Variants in BID observed in about 807,000 individuals in gnomAD.
BID encodes BH3-interacting domain death agonist.
A neutral mutation model predicts 17.4 loss-of-function variants in BID; 19 were observed. The ratio of observed to expected loss-of-function variants is 1.09; its 90% CI spans 0.76 to 1.60. The LOEUF (loss-of-function observed/expected upper bound fraction) is 1.60. Ranked by LOEUF, BID falls within the 40% of genes most tolerant of loss-of-function variation. The probability of loss-of-function intolerance (pLI) is 0.00; values close to 1 mark genes in which losing one functional copy is unlikely to be tolerated. For missense variants in BID, 226 were observed against 256.0 expected (o/e 0.88, Z 0.80); for synonymous variants, 108 against 102.8 (o/e 1.05, Z -0.31).
chr22:17,769,797 C>T lies in BID; in HGVS notation c.-59+4584G>A, dbSNP rs2061706141. 6.6e-6 allele frequency among the ~76,000 whole-genome samples: 1 copy of T among 152,184 alleles called. No homozygotes were observed. Among genetic ancestry groups the T allele is most frequent in the Non-Finnish European group, 1.5e-5 (1 of 68,036 alleles). On this transcript the variant is annotated intron_variant, in intron 1 of 5. Coordinates refer to ENST00000622694, the MANE Select transcript of BID (RefSeq NM_001196.4). This position sits in a 1 kb window ranked among gnomAD's most constrained non-coding sequence, Gnocchi z 4.8. The stretch of plus-strand genomic sequence containing the variant: ...AGAGTTCCCAGCTGAACCCAGGAGG[C>T]ACCCACCTTCCTGTCTCTAGGCAGA...
intron 4 of BID, among the ~76,000 whole-genome samples, chr22:17,738,590 G>A (rs528828025): frequency 6.6e-6 from 1 of 152,278 alleles, no homozygotes; most frequent in South Asian, 2.1e-4. Context: ...GAATGGACAG[G>A]AGGAAGGGGG....
intron 1 of BID, among the ~76,000 whole-genome samples, chr22:17,771,037 C>G (rs1296152916): frequency 6.6e-6 from 1 of 152,250 alleles, no homozygotes; most frequent in African/African-American, 2.4e-5. Flanking sequence ...TTTCCAGTTA[C>G]TCTACGTACC....
chr22:17,742,788 A>T (rs1246893525), intron 3 of BID, among the ~76,000 whole-genome samples: 1 of 152,196 alleles, frequency 6.6e-6, no homozygotes, highest in Admixed American at 6.5e-5. Context: ...TGTAATTCCA[A>T]TGTGCACACT....
chr22:17,756,440 TTTC>T (rs1569047675), intron 1 of BID, among the ~76,000 whole-genome samples: 15 of 66,880 alleles, frequency 2.2e-4, no homozygotes, highest in African/African-American at 8.3e-4. Context: ...TTCTTCTTTC[TTTC>T]TTTCTTTCTT....
At chr22:17,755,859 G>GT (rs1204856851) in intron 1 of BID, among the ~76,000 whole-genome samples, 1 of 151,658 alleles carries the variant, frequency 6.6e-6, no homozygotes, top group Non-Finnish European at 1.5e-5. Context: ...TTCCTTTTTG[G>GT]TTTTTTGTTT....
At chr22:17,745,811 C>T (rs1457062192) in intron 2 of BID, among the ~76,000 whole-genome samples, 2 of 151,842 alleles carry the variant, frequency 1.3e-5, no homozygotes, top group Non-Finnish European at 1.5e-5. Context: ...ACTAAAAATA[C>T]AAAAATTAGC....
intron 1 of BID, among the ~76,000 whole-genome samples, chr22:17,758,030 C>T (rs958364164): frequency 7.9e-5 from 12 of 152,218 alleles, no homozygotes; most frequent in Non-Finnish European, 1.5e-4. Context: ...CATGGCTTCC[C>T]GGATGGTTGC....
At chr22:17,744,041 G>C in intron 2 of BID, 28 bp from the exon 3 acceptor site, 1 of 1,593,970 alleles carries the variant, frequency 6.3e-7, no homozygotes. Flanking sequence ...TCAGGAAGCC[G>C]GGACTTCAGC....
chr22:17,754,896 C>T (rs958488021), intron 1 of BID, among the ~76,000 whole-genome samples: 1 of 150,828 alleles, frequency 6.6e-6, no homozygotes, highest in Non-Finnish European at 1.5e-5. Context: ...TCCTGAGTAA[C>T]TGGGACTACA....
intron 2 of BID, among the ~76,000 whole-genome samples, chr22:17,745,249 C>T (rs1445539926): frequency 6.6e-6 from 1 of 152,054 alleles, no homozygotes; most frequent in Non-Finnish European, 1.5e-5. Flanking sequence ...CGAGGTTTCA[C>T]CATGTTGGTC....
At chr22:17,758,600 C>T (rs1325956368) in intron 1 of BID, among the ~76,000 whole-genome samples, 1 of 152,172 alleles carries the variant, frequency 6.6e-6, no homozygotes, top group Non-Finnish European at 1.5e-5. Context: ...ACACACGCTA[C>T]AACACAGATG....
rs541458998 is a variant in BID, at chr22:17,767,022, G to A, written c.-59+7359C>T. On this transcript the variant is annotated intron_variant, in intron 1 of 5. Coordinates refer to ENST00000622694, the MANE Select transcript of BID (RefSeq NM_001196.4). The stretch of plus-strand genomic sequence containing the variant: ...GAGGATCACCTGAGATCAGGAGTTC[G>A]AGACCAGCCTGGCCAACATGGTGAA... Among the ~76,000 whole-genome samples the A allele has an allele frequency of 3.9e-3, 595 of 152,040 alleles. 3 individuals carry two copies. The highest frequency in any genetic ancestry group is 5.7e-3 in the Non-Finnish European group (384 of 67,938).
chr22:17,739,485 G>A lies in BID; in HGVS notation c.227C>T (p.Ser76Phe). 6.2e-7 allele frequency: 1 copy of A among 1,611,368 alleles called. No individual in the cohort carries two copies. The highest frequency in any genetic ancestry group is 8.5e-7 in the Non-Finnish European group (1 of 1,179,548). The change falls in exon 4 of 6, where the codon TCT becomes TTT. Residue 76 changes from serine (S) to phenylalanine (F), a missense_variant. Coordinates refer to ENST00000622694, the MANE Select transcript of BID (RefSeq NM_001196.4). ...HSRLGRIEADSESQEDIIRNI... is the reference protein window; with the variant it reads ...HSRLGRIEADFESQEDIIRNI... ...CCGGATGATGTCTTCTTGACTTTCA[G>A]AATCTGTGTTCAGGCAGGGGCGGCA...
intron 2 of BID, among the ~76,000 whole-genome samples, chr22:17,748,279 A>G (rs1281839300): frequency 3.7e-5 from 5 of 135,236 alleles, no homozygotes; most frequent in Admixed American, 1.5e-4. Flanking sequence ...GGAGGCCCAG[A>G]CGGGCGGATC....
In BID at chr22:17,769,684, G is replaced by A. The variant is rs2061705189; in HGVS notation, c.-59+4697C>T. Among the ~76,000 whole-genome samples the A allele has an allele frequency of 6.6e-6, 1 of 152,192 alleles. No individual in the cohort carries two copies. The highest frequency in any genetic ancestry group is 1.5e-5 in the Non-Finnish European group (1 of 68,036). ...ATGCCTGCCTCAGTTCCGCAGCCAGGACGGTGCCTTACTGACTCCACACAC... is the reference window on the plus strand; with the variant it reads ...ATGCCTGCCTCAGTTCCGCAGCCAGAACGGTGCCTTACTGACTCCACACAC... On this transcript the variant is annotated intron_variant, in intron 1 of 5. Coordinates refer to ENST00000622694, the MANE Select transcript of BID (RefSeq NM_001196.4). This position sits in a 1 kb window ranked among gnomAD's most constrained non-coding sequence, Gnocchi z 4.8.
At chr22:17,762,142 G>T (rs2061643562) in intron 1 of BID, among the ~76,000 whole-genome samples, 1 of 152,056 alleles carries the variant, frequency 6.6e-6, no homozygotes, top group Non-Finnish European at 1.5e-5. Flanking sequence ...AGACACCCAG[G>T]AGATCTGCAG....
intron 1 of BID, among the ~76,000 whole-genome samples, chr22:17,756,425 T>TTTC (rs1214660231): frequency 2.6e-4 from 15 of 58,116 alleles, no homozygotes; most frequent in Admixed American, 1.4e-3. Context: ...TCTTTCTTTC[T>TTTC]TTCTTTCTTC....
At chr22:17,744,186 A>G (rs1315939953) in intron 2 of BID, among the ~76,000 whole-genome samples, 173 bp from the exon 3 acceptor site, 1 of 152,178 alleles carries the variant, frequency 6.6e-6, no homozygotes, top group African/African-American at 2.4e-5. Flanking sequence ...CAAGGTCTGC[A>G]GCCACAGCTT....
intron 5 of BID, among the ~76,000 whole-genome samples, chr22:17,735,960 T>C (rs2061416552): frequency 6.6e-6 from 1 of 152,180 alleles, no homozygotes; most frequent in Non-Finnish European, 1.5e-5. Flanking sequence ...TGTCCAGGAA[T>C]GGTCTCAGGC....
Sources: gnomAD v4.1 joint callset for allele counts (sites outside exome capture counted in the v4.1 genomes callset) on GRCh38, gnomAD v4.1.1 for gene constraint, Gnocchi (gnomAD v3.1) non-coding constraint, MANE v1.5 for transcripts, NCBI Gene and HGNC (gene_info 2026-07-23, HGNC 2026-07-21) for gene names.